The following GRM7 variants were observed in gnomAD, a reference collection of about 807,000 sequenced individuals.
GRM7 encodes metabotropic glutamate receptor 7.
A neutral mutation model predicts 84.5 loss-of-function variants in GRM7; 35 were observed. The observed-to-expected ratio is 0.41, with a 90% CI of 0.32 to 0.55. The LOEUF is 0.55. GRM7 is among the 20% of genes least tolerant of loss of function. The pLI is 0.19. For synonymous variants in GRM7, 487 were observed against 455.1 expected (o/e 1.07, Z -0.89); for missense variants, 1,003 against 1,194.6 (o/e 0.84, Z 2.36).
At chr3:7,465,161 G>A (rs181173907) in intron 7 of GRM7, among the ~76,000 whole-genome samples, 2 of 152,248 alleles carry the variant, frequency 1.3e-5, no homozygotes, top group African/African-American at 4.8e-5. Context: ...AACTAAGTGG[G>A]AGCATTCTTT....
intron 7 of GRM7, among the ~76,000 whole-genome samples, chr3:7,562,083 T>C (rs932595624): frequency 6.6e-6 from 1 of 152,174 alleles, no homozygotes; most frequent in Non-Finnish European, 1.5e-5. Context: ...CAATTCATCA[T>C]TGGATAGCAC....
rs114153032 is a variant in GRM7 at position 7,401,912 on chromosome 3, G to A, written c.1034-13111G>A. Among the ~76,000 whole-genome samples the A allele has an allele frequency of 5.0e-3, 755 of 152,270 alleles. 7 individuals carry two copies. Among genetic ancestry groups the A allele is most frequent in the African/African-American group, 0.017 (688 of 41,550 alleles). ...CTGGGATTTGCCTAAGGTAAAAAAGGAGGGGTGTTGATTTATTATAAGAAT... is the reference window on the plus strand; with the variant it reads ...CTGGGATTTGCCTAAGGTAAAAAAGAAGGGGTGTTGATTTATTATAAGAAT... On this transcript the variant is annotated intron_variant, in intron 4 of 9. Transcript: ENST00000357716.
intron 8 of GRM7, among the ~76,000 whole-genome samples, chr3:7,678,398 T>C (rs1700223504): frequency 6.6e-6 from 1 of 152,154 alleles, no homozygotes; most frequent in South Asian, 2.1e-4. Context: ...TTGACATCCT[T>C]TTCCTTTTTG....
At chr3:7,642,612 T>C (rs1039920473) in intron 8 of GRM7, among the ~76,000 whole-genome samples, 57 of 152,118 alleles carry the variant, frequency 3.7e-4, no homozygotes, top group Admixed American at 3.1e-3. Flanking sequence ...GTGAGTTCCA[T>C]GCACGCTTTA....
chr3:7,338,115 TACACAC>T (rs141499269), intron 4 of GRM7, among the ~76,000 whole-genome samples: 12,750 of 146,896 alleles, frequency 0.087, 557 homozygotes, highest in African/African-American at 0.1. Flanking sequence ...TATATTTATG[TACACAC>T]ACACACACAC....
intron 1 of GRM7, among the ~76,000 whole-genome samples, chr3:7,104,045 T>C (rs537599181): frequency 6.6e-6 from 1 of 151,636 alleles, no homozygotes; most frequent in South Asian, 2.1e-4. Flanking sequence ...CATTTGGAGA[T>C]GGTACCTTTG....
chr3:7,074,152 T>TG (rs1452102650), intron 1 of GRM7, among the ~76,000 whole-genome samples: 6 of 151,900 alleles, frequency 3.9e-5, no homozygotes, highest in African/African-American at 1.4e-4. Flanking sequence ...TTCTCAGGAG[T>TG]TTACATGTGT....
In GRM7 at chr3:7,549,238, A is replaced by G. The variant is rs367678018; in HGVS notation, c.1516-29184A>G. Among the ~76,000 whole-genome samples, 20 of 152,342 alleles carry G rather than the reference A, an allele frequency of 1.3e-4. 2 individuals are homozygous for G. The highest frequency in any genetic ancestry group is 5.2e-4 in the Admixed American group (8 of 15,310). On this transcript the variant is annotated intron_variant, in intron 7 of 9. Transcript: ENST00000357716. ...CAAAAGCAATAAATACTTAAAACTC[A>G]TCACTTCCTAATTATTTCACTACAT...
intron 9 of GRM7, among the ~76,000 whole-genome samples, chr3:7,728,864 G>A (rs961856895): frequency 1.3e-5 from 2 of 152,122 alleles, no homozygotes; most frequent in African/African-American, 2.4e-5. Context: ...TTGCTTGTTC[G>A]TTTAGAATCC....
At chr3:7,251,185 C>A (rs1168553304) in intron 2 of GRM7, among the ~76,000 whole-genome samples, 4 of 151,868 alleles carry the variant, frequency 2.6e-5, no homozygotes, top group African/African-American at 9.7e-5. Context: ...TAATGAGTAC[C>A]AAAAGGGATG....
At chr3:7,280,914 G>T (rs548850850) in intron 2 of GRM7, among the ~76,000 whole-genome samples, 1 of 152,070 alleles carries the variant, frequency 6.6e-6, no homozygotes. Flanking sequence ...TCATCATCCC[G>T]AGACTTTCAG....
At chr3:6,957,362 C>T (rs1022044877) in intron 1 of GRM7, among the ~76,000 whole-genome samples, 1 of 152,148 alleles carries the variant, frequency 6.6e-6, no homozygotes, top group African/African-American at 2.4e-5. Flanking sequence ...GCCGAAGCCC[C>T]GGTGTGATGT....
intron 1 of GRM7, among the ~76,000 whole-genome samples, chr3:6,967,974 T>G (rs1251940841): frequency 6.6e-6 from 1 of 152,200 alleles, no homozygotes; most frequent in Non-Finnish European, 1.5e-5. Context: ...AGTTGAGAGT[T>G]TAGTAGCTGT....
intron 1 of GRM7, among the ~76,000 whole-genome samples, chr3:7,032,957 C>A (rs1696241381): frequency 6.6e-6 from 1 of 152,100 alleles, no homozygotes; most frequent in Admixed American, 6.6e-5. Context: ...CATAACAAAT[C>A]AACAAAAACT....
chr3:7,677,421 C>G (rs549263985), intron 8 of GRM7, among the ~76,000 whole-genome samples: 3 of 151,816 alleles, frequency 2.0e-5, no homozygotes, highest in African/African-American at 7.3e-5. Flanking sequence ...TTGCAGATAC[C>G]GAAGCTGAGG....
chr3:6,889,424 G>T (rs1313066297), intron 1 of GRM7, among the ~76,000 whole-genome samples: 1 of 151,744 alleles, frequency 6.6e-6, no homozygotes, highest in Admixed American at 6.6e-5. Flanking sequence ...CTAATTTATT[G>T]AGAGTTTTTA....
chr3:7,496,432 A>G (rs1362246236), intron 7 of GRM7, among the ~76,000 whole-genome samples: 5 of 152,176 alleles, frequency 3.3e-5, no homozygotes, highest in Admixed American at 2.0e-4. Context: ...ACATGAGCCT[A>G]TATATTTTTT....
intron 1 of GRM7, among the ~76,000 whole-genome samples, chr3:7,139,452 TA>T (rs1174156544): frequency 6.6e-6 from 1 of 151,956 alleles, no homozygotes; most frequent in Non-Finnish European, 1.5e-5. Flanking sequence ...TGTAGCATTC[TA>T]AAAAGTACTG....
intron 4 of GRM7, among the ~76,000 whole-genome samples, chr3:7,328,328 G>C (rs967247895): frequency 1.3e-5 from 2 of 152,146 alleles, no homozygotes; most frequent in Non-Finnish European, 2.9e-5. Context: ...AGAAAGGTTT[G>C]ATGTAAGAGA....
Sources: allele counts gnomAD v4.1 joint callset (sites outside exome capture counted in the v4.1 genomes callset), GRCh38; gene constraint gnomAD v4.1.1; transcripts MANE v1.5; gene names NCBI Gene and HGNC (gene_info 2026-07-23, HGNC 2026-07-21).